CHPF: variants seen among roughly 807,000 people sequenced by gnomAD.
CHPF encodes the protein chondroitin polymerizing factor, also known as chondroitin polymerizing factor, non-catalytic subunit.
Under a neutral mutation model 55.1 loss-of-function variants are expected in CHPF, and 34 were observed. That is an observed-to-expected ratio of 0.62 (90% CI 0.47 to 0.82). The LOEUF is 0.82. CHPF is among the 40% of genes least tolerant of loss of function. The pLI is 0.00. For missense variants in CHPF, 961 were observed against 1,106.1 expected, an observed-to-expected ratio of 0.87 and a Z score of 1.86; for synonymous variants, 489 against 496.6, an observed-to-expected ratio of 0.98 and a Z score of 0.20.
At chr2:219,542,751 C>T (rs1255854299) in intron 1 of CHPF, among the ~76,000 whole-genome samples, 1 of 152,172 alleles carries the variant, frequency 6.6e-6, no homozygotes, top group African/African-American at 2.4e-5. Flanking sequence ...CCCAATGTTA[C>T]TTAGAAGTTA....
At position 219,540,122 on chromosome 2, in the gene CHPF, G is replaced by A; in HGVS notation, c.1589C>T (p.Ala530Val). The change falls in exon 4 of 4, where the codon GCC (alanine) becomes GTC (valine). Residue 530 changes from alanine (A) to valine (V), a missense_variant. By Grantham distance (64) the Ala-to-Val change is moderately conservative. This residue lies in a region of CHPF where 936 missense variants were observed against 1,058.4 expected (regional missense o/e 0.88). Transcript: ENST00000243776. ...ATCACCAGGCTCCAGTGCTGCAGTG[G>A]CAAAGGCCTCCAAGAAGCCAGGGGC... is the stretch of plus-strand genomic sequence containing the variant. ...DLAPGFLEAF[A>V]TAALEPGDAA... 1 of 1,601,530 alleles carries A rather than the reference G, an allele frequency of 6.2e-7. No individual in the cohort carries two copies. The highest frequency in any genetic ancestry group is 1.1e-5 in the South Asian group (1 of 89,516).
At position 219,539,213 on chromosome 2, in the gene CHPF, A is replaced by C; in HGVS notation, c.*170T>G. The C allele has an allele frequency of 3.2e-6, 2 of 633,732 alleles. No homozygotes were observed. The highest frequency in any genetic ancestry group is 4.4e-4 in the Middle Eastern group (1 of 2,286). 39.3% of individuals were successfully genotyped at this position (633,732 alleles called of 1,614,324 possible). A position where few individuals can be genotyped will look rare whatever the true frequency, so the allele number is the denominator to read the frequency against. ...GGGTGGCTCTGGGGGCACGTCCCCC[A>C]GTGCTTGTCCAGAGCCCAGGGACCC... On this transcript the variant is annotated 3_prime_UTR_variant, in exon 4 of 4. Transcript: ENST00000243776.
Position 219,543,650 on chromosome 2 carries a change from G to T in CHPF, c.-112C>A, listed in dbSNP as rs1695326551. On this transcript the variant is annotated 5_prime_UTR_variant, in exon 1 of 4. Transcript: ENST00000243776. The stretch of plus-strand genomic sequence containing the variant: ...GATCCGGAGGGCTCGGGCCCCGCGG[G>T]CGGGCCCGCTCCCTCCCCGCAGAGC... 5.0e-6 allele frequency: 4 copies of T among 806,178 alleles called. No individual in the cohort carries two copies. The highest frequency in any genetic ancestry group is 6.8e-6 in the Non-Finnish European group (4 of 584,358). The allele number at this position is 806,178 out of a possible 1,614,324, so 49.9% of individuals were successfully genotyped here. A position where few individuals can be genotyped will look rare whatever the true frequency, so the allele number is the denominator to read the frequency against.
rs1215341813 is a variant in CHPF, at chr2:219,543,074, G to A, written c.314+151C>T. On this transcript the variant is annotated intron_variant, in intron 1 of 3. Transcript: ENST00000243776. Reference sequence around the variant, plus strand: ...GTCTCGGACTGGCCCCACGGCTCTCGGGAAGGCAGGGCCATCGGAAGTTAT... The same window carrying A: ...GTCTCGGACTGGCCCCACGGCTCTCAGGAAGGCAGGGCCATCGGAAGTTAT... 5.1e-6 allele frequency: 7 copies of A among 1,359,914 alleles called. No individual in the cohort carries two copies. The African/African-American group carries it at 1.1e-4, about 21-fold the overall frequency. The allele number at this position is 1,359,914 out of a possible 1,614,324, so 84.2% of individuals were successfully genotyped here. A position where few individuals can be genotyped will look rare whatever the true frequency, so the allele number is the denominator to read the frequency against.
chr2:219,543,636 C>T lies in CHPF; in HGVS notation c.-98G>A, dbSNP rs1308790323. On this transcript the variant is annotated 5_prime_UTR_variant, in exon 1 of 4. Coordinates refer to ENST00000243776, the MANE Select transcript of CHPF (RefSeq NM_024536.6). ...CCGGGGAGGGGGCGGATCCGGAGGGCTCGGGCCCCGCGGGCGGGCCCGCTC... is the reference window on the plus strand; with the variant it reads ...CCGGGGAGGGGGCGGATCCGGAGGGTTCGGGCCCCGCGGGCGGGCCCGCTC... The T allele has an allele frequency of 2.0e-6, 2 of 987,486 alleles. No homozygotes were observed. The highest frequency in any genetic ancestry group is 1.3e-6 in the Non-Finnish European group (1 of 749,128). The allele number at this position is 987,486 out of a possible 1,614,324, so 61.2% of individuals were successfully genotyped here.
rs369909200 is a variant in CHPF at position 219,539,478 on chromosome 2, A to G, written c.2233T>C (p.Tyr745His). 5 of 1,613,520 alleles carry G rather than the reference A, an allele frequency of 3.1e-6. No homozygotes were observed. The African/African-American group carries it at 5.3e-5, about 17-fold the overall frequency. The change falls in exon 4 of 4, where the codon TAC becomes CAC. Residue 745 changes from tyrosine to histidine, a missense_variant. Coordinates refer to ENST00000243776, the MANE Select transcript of CHPF (RefSeq NM_024536.6). ...TCSARLSEDL[Y>H]HRCLQSVLEG... Reference sequence around the variant, plus strand: ...AGCACGCTCTGGAGGCAGCGGTGGTACAGGTCCTCACTGAGCCTCGCGCTG... The same window carrying G: ...AGCACGCTCTGGAGGCAGCGGTGGTGCAGGTCCTCACTGAGCCTCGCGCTG...
At position 219,543,271 on chromosome 2, in the gene CHPF, G is replaced by A; in HGVS notation, c.268C>T (p.Pro90Ser). ...AGENWEPRVLPYHPAQPGQAA... is the reference protein window; with the variant it reads ...AGENWEPRVLSYHPAQPGQAA... ...TGGCCGGGCTGTGCAGGGTGGTAGG[G>A]CAAGACGCGCGGCTCCCAATTCTCC... Residue 90 changes from proline (P) to serine (S), a missense_variant, in exon 1 of 4, where the codon CCC becomes TCC. Coordinates refer to ENST00000243776, the MANE Select transcript of CHPF (RefSeq NM_024536.6). 1 of 1,574,434 alleles carries A rather than the reference G, an allele frequency of 6.4e-7. No homozygotes were observed.
Position 219,540,492 on chromosome 2 carries a change from C to T in CHPF, c.1219G>A (p.Asp407Asn), listed in dbSNP as rs149508245. The change falls in exon 4 of 4, where the codon GAT (aspartate) becomes AAT (asparagine). Residue 407 changes from aspartate to asparagine, a missense_variant. Coordinates refer to ENST00000243776, the MANE Select transcript of CHPF (RefSeq NM_024536.6). ...FTEQHAFSCA[D>N]GSPRCPLRGA... ...CGCAGTGGGCAGCGGGGTGAGCCAT[C>T]GGCGCAGGAGAAAGCGTGCTGCTCC... 2.4e-4 allele frequency: 381 copies of T among 1,614,020 alleles called. No individual in the cohort carries two copies. Among genetic ancestry groups the T allele is most frequent in the Non-Finnish European group, 3.0e-4 (358 of 1,180,016 alleles).
rs751743548 is a variant in CHPF at position 219,539,654 on chromosome 2, G to A, written c.2057C>T (p.Ala686Val). Reference sequence around the variant, plus strand: ...GGCTGCCGCCAGGCGCCCACGGGCTGCCACATAGTCGGAGTTGTAGAAGCA... The same window carrying A: ...GGCTGCCGCCAGGCGCCCACGGGCTACCACATAGTCGGAGTTGTAGAAGCA... The part of the protein sequence containing the change: ...EACFYNSDYV[A>V]ARGRLAAASE... The change falls in exon 4 of 4, where the codon GCA (alanine) becomes GTA (valine). Residue 686 changes from alanine (A) to valine (V), a missense_variant. By Grantham distance (64) the Ala-to-Val change is moderately conservative. Around this residue, in one of 3 missense-constraint regions of CHPF, gnomAD observed 936 missense variants for 1,058.4 expected, o/e 0.88. Transcript: ENST00000243776. The A allele has an allele frequency of 3.1e-6, 5 of 1,613,512 alleles. No individual in the cohort carries two copies. Among genetic ancestry groups the A allele is most frequent in the South Asian group, 2.2e-5 (2 of 91,088 alleles).
rs974462377 is a variant in CHPF, at chr2:219,540,745, A to C, written c.1069-103T>G. The C allele has an allele frequency of 4.7e-5, 62 of 1,313,344 alleles. No homozygotes were observed. In the African/African-American group the frequency reaches 5.4e-4, roughly 12 times the overall value. 81.4% of individuals were successfully genotyped at this position (1,313,344 alleles called of 1,614,324 possible). On this transcript the variant is annotated intron_variant, in intron 3 of 3. Coordinates refer to ENST00000243776, the MANE Select transcript of CHPF (RefSeq NM_024536.6). The stretch of plus-strand genomic sequence containing the variant: ...AGGTGCCACTCAGGATGGGCCCCTC[A>C]TCCCCTGCCAACCTCTGCCCATACC...
rs752095159 is a variant in CHPF, at chr2:219,543,358, G to A, written c.181C>T (p.Arg61Trp). The A allele has an allele frequency of 1.7e-5, 26 of 1,562,560 alleles. No individual in the cohort carries two copies. The highest frequency in any genetic ancestry group is 2.1e-5 in the Non-Finnish European group (25 of 1,164,164). Residue 61 changes from arginine to tryptophan, a missense_variant, in exon 1 of 4, where the codon CGG (arginine) becomes TGG (tryptophan). This residue lies in a region of CHPF where 936 missense variants were observed against 1,058.4 expected (regional missense o/e 0.88). Transcript: ENST00000243776. ...GCTCCGGGCTGCACCGAGTTGGGCCGGCGCGCCGCGTTGGTGTTGCCGCGC... is the reference window on the plus strand; with the variant it reads ...GCTCCGGGCTGCACCGAGTTGGGCCAGCGCGCCGCGTTGGTGTTGCCGCGC... ...PPRGNTNAAR[R>W]PNSVQPGAER...
intron 1 of CHPF, chr2:219,542,926 C>A: frequency 2.4e-6 from 3 of 1,228,738 alleles, no homozygotes; most frequent in Non-Finnish European, 3.0e-6. Flanking sequence ...ATATATAAGT[C>A]ATTTCTCTAA....
chr2:219,543,344 C>T lies in CHPF; in HGVS notation c.195G>A (p.Val65=). 6.4e-7 allele frequency: 1 copy of T among 1,568,332 alleles called. No homozygotes were observed. Among genetic ancestry groups the T allele is most frequent in the Non-Finnish European group, 8.6e-7 (1 of 1,167,238 alleles). The part of the protein sequence containing the change: ...NTNAARRPNS[V]QPGAEREKPG... ...GCTTCTCGCGCTCCGCTCCGGGCTGCACCGAGTTGGGCCGGCGCGCCGCGT... is the reference window on the plus strand; with the variant it reads ...GCTTCTCGCGCTCCGCTCCGGGCTGTACCGAGTTGGGCCGGCGCGCCGCGT... The change falls in exon 1 of 4, where the codon GTG becomes GTA. Residue 65 remains valine (V), a synonymous_variant. Transcript: ENST00000243776.
Position 219,541,407 on chromosome 2 carries a change from G to T in CHPF, c.888+209C>A, listed in dbSNP as rs1198200931. ...GGCTCCCTGATTTTTTCTAATCCTT[G>T]TAACAACCCCGAGCAATAATTATTT... On this transcript the variant is annotated intron_variant, in intron 2 of 3. Transcript: ENST00000243776. The T allele has an allele frequency of 8.9e-6, 5 of 558,704 alleles. No homozygotes were observed. In the Admixed American group the frequency reaches 1.5e-4, roughly 17 times the overall value. 34.6% of individuals were successfully genotyped at this position (558,704 alleles called of 1,614,324 possible).
intron 1 of CHPF, chr2:219,542,796 G>T: frequency 2.1e-6 from 1 of 478,766 alleles, no homozygotes; most frequent in Non-Finnish European, 2.8e-6. Flanking sequence ...AATGAGATAG[G>T]TACATTCCTC....
In CHPF at chr2:219,539,310, CAGGTGGCTCTGG is replaced by C; in HGVS notation, c.*61_*72del. 1.4e-6 allele frequency: 2 copies of C among 1,440,524 alleles called. No homozygotes were observed. The highest frequency in any genetic ancestry group is 2.8e-5 in the African/African-American group (2 of 71,030). 89.2% of individuals were successfully genotyped at this position (1,440,524 alleles called of 1,614,324 possible). A position where few individuals can be genotyped will look rare whatever the true frequency, so the allele number is the denominator to read the frequency against. ...GGCCAGCCCTGCCCAGCGAGGCTGG[CAGGTGGCTCTGG>C]TTTTGGGGGAGAAGTGGGGTGGGGT... is the stretch of plus-strand genomic sequence containing the variant. On this transcript the variant is annotated 3_prime_UTR_variant, in exon 4 of 4. Coordinates refer to ENST00000243776, the MANE Select transcript of CHPF (RefSeq NM_024536.6).
At chr2:219,541,254 A>G (rs760565101) in intron 2 of CHPF, 129 bp from the exon 3 acceptor site, 22 of 902,258 alleles carry the variant, frequency 2.4e-5, no homozygotes, top group Non-Finnish European at 3.2e-5. Context: ...GTCTACCTTG[A>G]CCAGTTGTGA....
rs1309722504 is a variant in CHPF, at chr2:219,542,154, T to C, written c.350A>G (p.Gln117Arg). ...RYISTELGIR[Q>R]RLLVAVLTSQ... is the part of the protein sequence containing the mutation. ...GGTCAGCACCGCCACCAGCAGCCTC[T>C]GCCTGATGCCCAGCTCCGTGCTGAT... is the stretch of plus-strand genomic sequence containing the variant. Residue 117 changes from glutamine to arginine, a missense_variant, in exon 2 of 4, where the codon CAG becomes CGG. This residue lies in a region of CHPF where 936 missense variants were observed against 1,058.4 expected (regional missense o/e 0.88). Transcript: ENST00000243776. The C allele has an allele frequency of 6.5e-7, 1 of 1,529,058 alleles. No homozygotes were observed. The highest frequency in any genetic ancestry group is 8.7e-7 in the Non-Finnish European group (1 of 1,143,530). The allele number at this position is 1,529,058 out of a possible 1,614,324, so 94.7% of individuals were successfully genotyped here.
Position 219,540,324 on chromosome 2 carries a change from A to T in CHPF, c.1387T>A (p.Tyr463Asn), listed in dbSNP as rs1179281589. ...GCCTCCAGCTGCAAGTCCAGCGTGT[A>T]TTCCATACCCCGGGCCGGATCAAAG... is the stretch of plus-strand genomic sequence containing the variant. ...RRFDPARGME[Y>N]TLDLQLEALT... Residue 463 changes from tyrosine (Y) to asparagine (N), a missense_variant, in exon 4 of 4, where the codon TAC becomes AAC. This residue lies in a region of CHPF where 936 missense variants were observed against 1,058.4 expected (regional missense o/e 0.88). Coordinates refer to ENST00000243776, the MANE Select transcript of CHPF (RefSeq NM_024536.6). The T allele has an allele frequency of 6.2e-7, 1 of 1,613,974 alleles. No homozygotes were observed. Among genetic ancestry groups the T allele is most frequent in the Admixed American group, 1.7e-5 (1 of 60,026 alleles).
Sources: gnomAD v4.1 joint callset for allele counts (sites outside exome capture counted in the v4.1 genomes callset) on GRCh38, gnomAD v4.1.1 for gene constraint, gnomAD v4.1.1 regional missense constraint, MANE v1.5 for transcripts, NCBI Gene and HGNC (gene_info 2026-07-23, HGNC 2026-07-21) for gene names.